Variants in DGKB observed in about 807,000 individuals in gnomAD.
The protein encoded by DGKB is diacylglycerol kinase beta.
DGKB carries 67 observed loss-of-function variants against 114.3 expected under a neutral mutation model. The observed-to-expected ratio is 0.59, with a 90% CI of 0.48 to 0.72. DGKB has a LOEUF of 0.72. DGKB is among the 30% of genes least tolerant of loss of function. The pLI is 0.00. For synonymous variants in DGKB, 398 were observed against 323.1 expected (o/e 1.23, Z -2.49); for missense variants, 907 against 975.2 (o/e 0.93, Z 0.93).
intron 21 of DGKB, among the ~76,000 whole-genome samples, chr7:14,392,712 G>A (rs1413247516): frequency 6.6e-6 from 1 of 152,116 alleles, no homozygotes; most frequent in Non-Finnish European, 1.5e-5. Context: ...CAACAAAAGA[G>A]TTTGGTCAAA....
intron 2 of DGKB, among the ~76,000 whole-genome samples, chr7:14,821,455 A>C (rs1844918556): frequency 1.3e-5 from 2 of 152,210 alleles, no homozygotes; most frequent in African/African-American, 4.8e-5. Context: ...GAGGAACTTC[A>C]AGTGGCCAAG....
chr7:14,441,685 C>A (rs539153571), intron 21 of DGKB, among the ~76,000 whole-genome samples: 2 of 152,080 alleles, frequency 1.3e-5, no homozygotes, highest in African/African-American at 4.8e-5. Context: ...CATTTTGGAT[C>A]ATTCCTGAAT....
At chr7:14,643,314 C>T (rs1812197145) in intron 13 of DGKB, among the ~76,000 whole-genome samples, 1 of 151,764 alleles carries the variant, frequency 6.6e-6, no homozygotes, top group Non-Finnish European at 1.5e-5. Flanking sequence ...GACCCCGAGC[C>T]TAGTGCAGAG....
At chr7:14,449,052 C>T (rs959382333) in intron 21 of DGKB, among the ~76,000 whole-genome samples, 1 of 152,032 alleles carries the variant, frequency 6.6e-6, no homozygotes, top group Non-Finnish European at 1.5e-5. Context: ...CATATAAAAA[C>T]TACAGAGTAA....
chr7:14,939,963 T>C (rs181622118), intron 1 of DGKB, among the ~76,000 whole-genome samples: 135 of 152,292 alleles, frequency 8.9e-4, no homozygotes, highest in African/African-American at 3.2e-3. Flanking sequence ...TGTTGACTTC[T>C]TTTTTCTTAT....
chr7:14,619,988 A>C (rs546407141), intron 15 of DGKB, among the ~76,000 whole-genome samples: 4 of 151,662 alleles, frequency 2.6e-5, no homozygotes, highest in Non-Finnish European at 5.9e-5. Context: ...AGGAACCCAG[A>C]GTAGCTGAAG....
chr7:14,411,496 G>A (rs1178174670), intron 21 of DGKB, among the ~76,000 whole-genome samples: 2 of 152,122 alleles, frequency 1.3e-5, no homozygotes, highest in Non-Finnish European at 2.9e-5. Context: ...AATATTTAAA[G>A]TGTATTATTT....
At chr7:14,430,178 C>T (rs1171897981) in intron 21 of DGKB, among the ~76,000 whole-genome samples, 2 of 152,050 alleles carry the variant, frequency 1.3e-5, no homozygotes, top group Non-Finnish European at 2.9e-5. Context: ...TTCACACACT[C>T]GTGGCAACAT....
intron 23 of DGKB, among the ~76,000 whole-genome samples, chr7:14,325,943 A>C (rs866237498): frequency 6.6e-6 from 1 of 152,150 alleles, no homozygotes; most frequent in Middle Eastern, 3.2e-3. Context: ...ATTTCTATTT[A>C]ATCATTGTTT....
intron 20 of DGKB, among the ~76,000 whole-genome samples, chr7:14,554,763 C>A (rs183663171): frequency 2.0e-5 from 3 of 152,062 alleles, no homozygotes; most frequent in Non-Finnish European, 2.9e-5. Context: ...TAACCTATTG[C>A]ATAATTTTAT....
intron 23 of DGKB, among the ~76,000 whole-genome samples, chr7:14,308,604 C>G (rs1249382344): frequency 2.0e-5 from 3 of 151,826 alleles, no homozygotes; most frequent in African/African-American, 7.3e-5. Context: ...GTTACAAGAC[C>G]ACAAACATTA....
chr7:14,860,582 T>C (rs1850831427), intron 1 of DGKB, among the ~76,000 whole-genome samples: 1 of 151,966 alleles, frequency 6.6e-6, no homozygotes, highest in African/African-American at 2.4e-5. Flanking sequence ...CTCTTATAAA[T>C]GAATAATATG....
chr7:14,713,593 A>G (rs560215129), intron 6 of DGKB, among the ~76,000 whole-genome samples: 1 of 151,738 alleles, frequency 6.6e-6, no homozygotes, highest in Admixed American at 6.6e-5. Context: ...AGTAATAGCT[A>G]GATAAACTGG....
chr7:14,429,808 C>G (rs766143151), intron 21 of DGKB, among the ~76,000 whole-genome samples: 1 of 152,120 alleles, frequency 6.6e-6, no homozygotes, highest in Non-Finnish European at 1.5e-5. Context: ...GTAATCCCAG[C>G]TACTCGGAAG....
chr7:14,972,330 C>T (rs777245274), intron 1 of DGKB, among the ~76,000 whole-genome samples: 11 of 152,050 alleles, frequency 7.2e-5, no homozygotes, highest in East Asian at 1.9e-4. Flanking sequence ...TGCTGGCAAA[C>T]TGGACTAAAT....
chr7:14,765,175 G>T (rs1389269746), intron 2 of DGKB, among the ~76,000 whole-genome samples: 1 of 151,860 alleles, frequency 6.6e-6, no homozygotes, highest in African/African-American at 2.4e-5. Flanking sequence ...TGCTACAGTG[G>T]GAAAAGCTGT....
intron 21 of DGKB, among the ~76,000 whole-genome samples, chr7:14,358,250 T>C (rs924557956): frequency 1.3e-5 from 2 of 152,218 alleles, no homozygotes; most frequent in African/African-American, 4.8e-5. Context: ...AGATTTGGTC[T>C]TTTCACATAG....
chr7:14,473,803 C>T (rs954739919), intron 21 of DGKB, among the ~76,000 whole-genome samples: 2 of 152,156 alleles, frequency 1.3e-5, no homozygotes, highest in Non-Finnish European at 2.9e-5. Context: ...GATTTTACTG[C>T]CCCACTGGAT....
chr7:14,411,346 C>A (rs897256025), intron 21 of DGKB, among the ~76,000 whole-genome samples: 3 of 151,986 alleles, frequency 2.0e-5, no homozygotes, highest in African/African-American at 4.8e-5. Context: ...GGACGTAAAC[C>A]CATTGTAAGT....
Sources: allele counts gnomAD v4.1 joint callset (sites outside exome capture counted in the v4.1 genomes callset), GRCh38; gene constraint gnomAD v4.1.1; transcripts MANE v1.5; gene names NCBI Gene and HGNC (gene_info 2026-07-23, HGNC 2026-07-21).